GMDS: variants seen among roughly 807,000 people sequenced by gnomAD.
The protein encoded by GMDS is GDP-mannose 4,6 dehydratase.
GMDS carries 20 observed loss-of-function variants against 49.9 expected under a neutral mutation model. That is an observed-to-expected ratio of 0.40 (90% CI 0.28 to 0.58). The LOEUF (loss-of-function observed/expected upper bound fraction) is 0.58, where lower values mean the gene tolerates loss of function less well. GMDS is among the 20% of genes least tolerant of loss of function. The pLI is 0.42. For synonymous variants in GMDS, 177 were observed against 178.6 expected, an observed-to-expected ratio of 0.99 and a Z score of 0.07; for missense variants, 362 against 481.4, an observed-to-expected ratio of 0.75 and a Z score of 2.32.
At chr6:2,050,451 AAGG>A (rs1458218976) in intron 4 of GMDS, among the ~76,000 whole-genome samples, 1 of 152,250 alleles carries the variant, frequency 6.6e-6, no homozygotes, top group Non-Finnish European at 1.5e-5. Flanking sequence ...CCAGAGGTAC[AAGG>A]AGGAGCTGGT....
At chr6:1,928,808 A>C (rs1672306999) in intron 7 of GMDS, among the ~76,000 whole-genome samples, 1 of 152,072 alleles carries the variant, frequency 6.6e-6, no homozygotes, top group Admixed American at 6.6e-5. Context: ...ATCTCTGCTA[A>C]AAAAACAAAA....
intron 4 of GMDS, among the ~76,000 whole-genome samples, chr6:2,090,814 T>C (rs1459016067): frequency 6.6e-6 from 1 of 152,198 alleles, no homozygotes; most frequent in Non-Finnish European, 1.5e-5. Context: ...GTTTCGAGTC[T>C]CATCACTTAT....
chr6:1,746,204 T>A (rs1245813685), intron 7 of GMDS, among the ~76,000 whole-genome samples: 6 of 135,788 alleles, frequency 4.4e-5, no homozygotes, highest in African/African-American at 1.8e-4. Flanking sequence ...TGAGGTTACA[T>A]GTTTTAGAGG....
intron 7 of GMDS, among the ~76,000 whole-genome samples, chr6:1,850,246 G>C (rs771722510): frequency 2.0e-5 from 3 of 152,170 alleles, no homozygotes; most frequent in Non-Finnish European, 4.4e-5. Flanking sequence ...GTTAAAAGCA[G>C]GATCTTTCTG....
chr6:2,233,637 T>G (rs1027987298), intron 1 of GMDS, among the ~76,000 whole-genome samples: 4 of 152,178 alleles, frequency 2.6e-5, no homozygotes, highest in African/African-American at 9.7e-5. Flanking sequence ...CTGGCCAACA[T>G]GGAGAAACCC....
chr6:2,207,743 A>C (rs1258633083), intron 1 of GMDS, among the ~76,000 whole-genome samples: 1 of 151,900 alleles, frequency 6.6e-6, no homozygotes, highest in Non-Finnish European at 1.5e-5. Flanking sequence ...TTCTCATTTT[A>C]GATCACCCCT....
chr6:1,687,630 C>T (rs1765022386), intron 9 of GMDS, among the ~76,000 whole-genome samples: 1 of 152,128 alleles, frequency 6.6e-6, no homozygotes. Context: ...GGGCCCTTAG[C>T]CATGCAGCTT....
intron 4 of GMDS, among the ~76,000 whole-genome samples, chr6:1,962,437 A>C (rs567688442): frequency 1.8e-4 from 28 of 152,356 alleles, no homozygotes; most frequent in Admixed American, 4.6e-4. Flanking sequence ...TGGGTCATAC[A>C]GTAACACTAT....
At chr6:1,974,673 A>T (rs1764796341) in intron 4 of GMDS, among the ~76,000 whole-genome samples, 1 of 152,130 alleles carries the variant, frequency 6.6e-6, no homozygotes. Flanking sequence ...AGAAGTCAGG[A>T]GTGATACTGT....
chr6:1,813,385 A>C (rs1387104433), intron 7 of GMDS, among the ~76,000 whole-genome samples: 1 of 152,154 alleles, frequency 6.6e-6, no homozygotes, highest in Non-Finnish European at 1.5e-5. Context: ...CAGAAGAGAA[A>C]CCCAGCGCTC....
chr6:1,730,197 G>A (rs995419673), intron 8 of GMDS, among the ~76,000 whole-genome samples: 2 of 152,216 alleles, frequency 1.3e-5, no homozygotes, highest in African/African-American at 2.4e-5. Context: ...AGGCCTGGAG[G>A]AAGCATTAGC....
At chr6:2,031,391 A>G (rs1219120086) in intron 4 of GMDS, among the ~76,000 whole-genome samples, 1 of 152,180 alleles carries the variant, frequency 6.6e-6, no homozygotes, top group Non-Finnish European at 1.5e-5. Context: ...CCAAACAACT[A>G]CAAATGGATG....
intron 7 of GMDS, among the ~76,000 whole-genome samples, chr6:1,884,913 A>C (rs1033808657): frequency 3.3e-5 from 5 of 152,198 alleles, no homozygotes; most frequent in Admixed American, 3.3e-4. Flanking sequence ...TCAGTCACAA[A>C]GTTCTATCAT....
intron 1 of GMDS, among the ~76,000 whole-genome samples, chr6:2,192,990 T>C (rs1208876901): frequency 1.3e-5 from 2 of 152,222 alleles, no homozygotes; most frequent in Non-Finnish European, 2.9e-5. Flanking sequence ...AGAAATGTGC[T>C]AGGGCTTAAC....
intron 7 of GMDS, among the ~76,000 whole-genome samples, chr6:1,843,505 C>T (rs189934796): frequency 9.8e-5 from 15 of 152,298 alleles, no homozygotes; most frequent in Admixed American, 6.5e-4. Flanking sequence ...TGGTGGCTCA[C>T]GCCTGTAATC....
At chr6:2,096,839 C>T (rs1448884492) in intron 4 of GMDS, among the ~76,000 whole-genome samples, 1 of 152,116 alleles carries the variant, frequency 6.6e-6, no homozygotes, top group Non-Finnish European at 1.5e-5. Context: ...GAACACATGA[C>T]TTTATATTTT....
intron 6 of GMDS, among the ~76,000 whole-genome samples, chr6:1,935,765 T>G (rs1762498510): frequency 6.6e-6 from 1 of 152,216 alleles, no homozygotes; most frequent in African/African-American, 2.4e-5. Flanking sequence ...TGGATTGAGA[T>G]AATGAGTTTT....
chr6:2,077,540 C>T (rs756078160), intron 4 of GMDS, among the ~76,000 whole-genome samples: 1 of 152,006 alleles, frequency 6.6e-6, no homozygotes, highest in African/African-American at 2.4e-5. Flanking sequence ...TTGAGATGAT[C>T]GTATGTTTTT....
At chr6:1,831,152 G>A (rs1454619571) in intron 7 of GMDS, among the ~76,000 whole-genome samples, 1 of 152,228 alleles carries the variant, frequency 6.6e-6, no homozygotes, top group African/African-American at 2.4e-5. Context: ...TAGGATTAAA[G>A]TAAGTCAATG....
Sources: allele counts gnomAD v4.1 joint callset (sites outside exome capture counted in the v4.1 genomes callset), GRCh38; gene constraint gnomAD v4.1.1; transcripts MANE v1.5; gene names NCBI Gene and HGNC (gene_info 2026-07-23, HGNC 2026-07-21).